Variants in PPM1E observed in about 807,000 individuals in gnomAD.
PPM1E encodes the protein protein phosphatase, Mg2+/Mn2+ dependent 1E.
A neutral mutation model predicts 65.9 loss-of-function variants in PPM1E; 20 were observed. The ratio of observed to expected loss-of-function variants is 0.30; its 90% confidence interval spans 0.21 to 0.44. The LOEUF (loss-of-function observed/expected upper bound fraction) is 0.44, where lower values mean the gene tolerates loss of function less well. PPM1E is among the 20% of genes least tolerant of loss of function. The pLI is 1.00. For missense variants in PPM1E, 713 were observed against 953.1 expected (o/e 0.75, Z 3.32); for synonymous variants, 352 against 374.9 (o/e 0.94, Z 0.70).
At chr17:58,945,385 G>A (rs913201099) in intron 1 of PPM1E, among the ~76,000 whole-genome samples, 12 of 152,094 alleles carry the variant, frequency 7.9e-5, no homozygotes, top group South Asian at 2.1e-4. Context: ...TCAGGTGATC[G>A]TCCCGCCTTG....
intron 1 of PPM1E, among the ~76,000 whole-genome samples, chr17:58,812,633 A>C (rs1163301719): frequency 6.6e-6 from 1 of 152,154 alleles, no homozygotes; most frequent in African/African-American, 2.4e-5. Context: ...GGTTCACTGC[A>C]ACCTCCTCCT....
chr17:58,911,891 G>A (rs533798177), intron 1 of PPM1E, among the ~76,000 whole-genome samples: 31 of 152,268 alleles, frequency 2.0e-4, no homozygotes, highest in African/African-American at 7.5e-4. Context: ...GAGTCGCAAG[G>A]AAAACAAGCA....
At chr17:58,857,138 T>C (rs990552345) in intron 1 of PPM1E, among the ~76,000 whole-genome samples, 4 of 152,160 alleles carry the variant, frequency 2.6e-5, no homozygotes, top group Admixed American at 1.3e-4. Flanking sequence ...TATCCCTAAA[T>C]ACTTCACTAC....
chr17:58,801,014 G>A (rs1284387474), intron 1 of PPM1E, among the ~76,000 whole-genome samples: 1 of 151,106 alleles, frequency 6.6e-6, no homozygotes, highest in African/African-American at 2.4e-5. Flanking sequence ...ATTCTGCTGG[G>A]GTCAGAGAAC....
intron 1 of PPM1E, among the ~76,000 whole-genome samples, chr17:58,862,196 T>C (rs926130127): frequency 6.6e-6 from 1 of 152,194 alleles, no homozygotes; most frequent in African/African-American, 2.4e-5. Flanking sequence ...TCAAAAAGGA[T>C]TGATCTTAGG....
intron 1 of PPM1E, among the ~76,000 whole-genome samples, chr17:58,805,134 T>C (rs2050293469): frequency 6.6e-6 from 1 of 152,076 alleles, no homozygotes; most frequent in African/African-American, 2.4e-5. Flanking sequence ...TTTATTTCAA[T>C]AGGTTTTGGG....
chr17:58,957,678 C>T (rs1031595664), intron 2 of PPM1E, among the ~76,000 whole-genome samples: 3 of 152,032 alleles, frequency 2.0e-5, no homozygotes, highest in African/African-American at 7.3e-5. Context: ...CACTGAAGTG[C>T]CTTTTGTCTC....
chr17:58,822,443 A>G (rs1272592015), intron 1 of PPM1E, among the ~76,000 whole-genome samples: 2 of 151,826 alleles, frequency 1.3e-5, no homozygotes, highest in Non-Finnish European at 2.9e-5. Flanking sequence ...TGATTCTGTT[A>G]TAGGTTAAGC....
chr17:58,805,476 C>T (rs1255995382), intron 1 of PPM1E, among the ~76,000 whole-genome samples: 1 of 152,252 alleles, frequency 6.6e-6, no homozygotes, highest in African/African-American at 2.4e-5. Context: ...TCTCAAACTC[C>T]TGACCTCAGG....
chr17:58,758,417 A>G (rs1298972838), intron 1 of PPM1E, among the ~76,000 whole-genome samples: 1 of 151,856 alleles, frequency 6.6e-6, no homozygotes, highest in African/African-American at 2.4e-5. Flanking sequence ...AATCCCAGAT[A>G]CTCAGGAGGC....
chr17:58,879,501 CTT>C (rs71367639), intron 1 of PPM1E, among the ~76,000 whole-genome samples: 3 of 88,788 alleles, frequency 3.4e-5, no homozygotes, highest in African/African-American at 1.4e-4. Context: ...CTGAGATTAA[CTT>C]TTTTTTTTTT....
intron 2 of PPM1E, among the ~76,000 whole-genome samples, chr17:58,962,113 C>T (rs865862664): frequency 3.3e-5 from 5 of 151,922 alleles, no homozygotes; most frequent in Admixed American, 6.6e-5. Flanking sequence ...GGAGAAACCC[C>T]GTCTCTACTA....
At chr17:58,851,509 C>G (rs990391141) in intron 1 of PPM1E, among the ~76,000 whole-genome samples, 5 of 152,176 alleles carry the variant, frequency 3.3e-5, no homozygotes, top group African/African-American at 1.2e-4. Context: ...AGTCAGGACC[C>G]TCAGCTGCAG....
intron 1 of PPM1E, among the ~76,000 whole-genome samples, chr17:58,813,750 A>G (rs866902648): frequency 6.6e-6 from 1 of 152,238 alleles, no homozygotes; most frequent in South Asian, 2.1e-4. Context: ...ACATTGTAGA[A>G]ATTGAAAATT....
Position 58,970,794 on chromosome 17 carries a change from T to A in PPM1E, c.972+1067T>A, listed in dbSNP as rs78063641. The stretch of plus-strand genomic sequence containing the variant: ...AGCTCCAGTCTCTTGAGGACCTGCA[T>A]TCTGCTTGGCTCTGCCTCTCTTGAA... On this transcript the variant is annotated intron_variant, in intron 4 of 6. Coordinates refer to ENST00000308249, the MANE Select transcript of PPM1E (RefSeq NM_014906.5). Among the ~76,000 whole-genome samples, 7 of 152,132 alleles carry A rather than the reference T, an allele frequency of 4.6e-5. No homozygotes were observed. The East Asian group carries it at 1.4e-3, about 29-fold the overall frequency.
chr17:58,762,154 C>T (rs1481686744), intron 1 of PPM1E, among the ~76,000 whole-genome samples: 1 of 152,136 alleles, frequency 6.6e-6, no homozygotes, highest in African/African-American at 2.4e-5. Context: ...ATTATATTTC[C>T]TGGTTTTAAC....
At chr17:58,881,730 G>A (rs533104744) in intron 1 of PPM1E, among the ~76,000 whole-genome samples, 1 of 152,176 alleles carries the variant, frequency 6.6e-6, no homozygotes, top group South Asian at 2.1e-4. Flanking sequence ...TGTAGTCTCA[G>A]CTACTCAGGA....
At chr17:58,898,084 T>C (rs2143457130) in intron 1 of PPM1E, among the ~76,000 whole-genome samples, 1 of 152,082 alleles carries the variant, frequency 6.6e-6, no homozygotes, top group East Asian at 1.9e-4. Flanking sequence ...ACTCCGTCTC[T>C]ACTAAAAAAA....
intron 1 of PPM1E, among the ~76,000 whole-genome samples, chr17:58,805,985 C>A (rs71375105): frequency 0.35 from 25,414 of 73,454 alleles, 3,851 homozygotes; most frequent in Non-Finnish European, 0.41. Flanking sequence ...AAAAAAAAAA[C>A]AAAACAAAAC....
Sources: gnomAD v4.1 joint callset for allele counts (sites outside exome capture counted in the v4.1 genomes callset) on GRCh38, gnomAD v4.1.1 for gene constraint, MANE v1.5 for transcripts, NCBI Gene and HGNC (gene_info 2026-07-23, HGNC 2026-07-21) for gene names.